The following JAZF1 variants were observed in gnomAD, a reference collection of about 807,000 sequenced individuals.
The protein encoded by JAZF1 is JAZF zinc finger 1.
A neutral mutation model predicts 26.4 loss-of-function variants in JAZF1; 8 were observed. That is an observed-to-expected ratio of 0.30 (90% CI 0.18 to 0.55). The LOEUF is 0.55. Among genes scored for constraint, JAZF1 ranks in the 20% least tolerant of loss-of-function variants. The pLI is 0.94. For missense variants in JAZF1, 199 were observed against 322.0 expected (o/e 0.62, Z 2.92); for synonymous variants, 126 against 122.3 (o/e 1.03, Z -0.20).
chr7:27,922,496 G>A (rs1349506054), intron 2 of JAZF1, among the ~76,000 whole-genome samples: 1 of 152,094 alleles, frequency 6.6e-6, no homozygotes. Context: ...CAATCCGCCC[G>A]CCTCGGCCTC....
chr7:27,938,111 C>T (rs547288788), intron 2 of JAZF1, among the ~76,000 whole-genome samples: 27 of 152,290 alleles, frequency 1.8e-4, no homozygotes, highest in South Asian at 8.3e-4. Context: ...CTATCACAAA[C>T]ACTTTCATGG....
intron 1 of JAZF1, among the ~76,000 whole-genome samples, chr7:28,140,732 T>C (rs1228059326): frequency 6.6e-6 from 1 of 152,234 alleles, no homozygotes; most frequent in Non-Finnish European, 1.5e-5. Flanking sequence ...CCTCACAACA[T>C]TTATGCAGCA....
intron 1 of JAZF1, among the ~76,000 whole-genome samples, chr7:28,056,074 ACAGTATCCTCTGAAGCACC>A (rs2128381282): frequency 6.6e-6 from 1 of 152,192 alleles, no homozygotes; most frequent in East Asian, 1.9e-4. Context: ...CTTACCCACC[ACAGTATCCTCTGAAGCACC>A]CAGCTCAGGT....
intron 1 of JAZF1, among the ~76,000 whole-genome samples, chr7:28,110,547 AGGAAAAGGAAAG>A (rs1583565837): frequency 2.5e-5 from 2 of 79,762 alleles, no homozygotes; most frequent in African/African-American, 3.7e-5. Context: ...GAAAAGGAAA[AGGAAAAGGAAAG>A]GGAAAGGAAA....
intron 1 of JAZF1, among the ~76,000 whole-genome samples, chr7:28,028,451 ACTT>A (rs1242749449): frequency 6.6e-6 from 1 of 152,142 alleles, no homozygotes. Flanking sequence ...ACTAAATCAA[ACTT>A]CTTGTGTCCA....
chr7:28,100,665 A>G (rs901174780), intron 1 of JAZF1, among the ~76,000 whole-genome samples: 1 of 152,188 alleles, frequency 6.6e-6, no homozygotes, highest in African/African-American at 2.4e-5. Context: ...TCACATTCTG[A>G]TCACTCTAGA....
intron 4 of JAZF1, among the ~76,000 whole-genome samples, chr7:27,834,698 G>A (rs556159783): frequency 1.3e-5 from 2 of 152,280 alleles, no homozygotes; most frequent in South Asian, 2.1e-4. Flanking sequence ...CATCCCCTCC[G>A]AGGCCCAGGC....
chr7:27,994,702 C>CT (rs781368931), intron 1 of JAZF1, among the ~76,000 whole-genome samples: 2 of 152,184 alleles, frequency 1.3e-5, no homozygotes, highest in African/African-American at 4.8e-5. Flanking sequence ...GAGAGGCCTG[C>CT]ACCAGTGCTA....
chr7:28,052,732 T>G (rs1479741160), intron 1 of JAZF1, among the ~76,000 whole-genome samples: 1 of 151,868 alleles, frequency 6.6e-6, no homozygotes, highest in African/African-American at 2.4e-5. Flanking sequence ...AAAACCAAGC[T>G]AAGAATCCTA....
Position 27,838,769 on chromosome 7 carries a change from C to G in JAZF1, c.555+1929G>C, listed in dbSNP as rs139970792. Among the ~76,000 whole-genome samples the G allele has an allele frequency of 8.6e-3, 1,308 of 152,340 alleles. 17 individuals are homozygous for G. Among genetic ancestry groups the G allele is most frequent in the African/African-American group, 0.029 (1,195 of 41,582 alleles). The stretch of plus-strand genomic sequence containing the variant: ...GCAGCTCATCTCCAGCGCCTGGTCA[C>G]AGGTGTGGTCACAAGCCTGCTATGG... On this transcript the variant is annotated intron_variant, in intron 4 of 4. Coordinates refer to ENST00000283928, the MANE Select transcript of JAZF1 (RefSeq NM_175061.4).
At chr7:27,971,064 T>C (rs1785368382) in intron 2 of JAZF1, among the ~76,000 whole-genome samples, 2 of 152,190 alleles carry the variant, frequency 1.3e-5, no homozygotes, top group African/African-American at 4.8e-5. Context: ...CCAGTATGCG[T>C]TGAAAACAAT....
At chr7:28,023,064 T>C (rs1268946128) in intron 1 of JAZF1, among the ~76,000 whole-genome samples, 5 of 152,166 alleles carry the variant, frequency 3.3e-5, no homozygotes, top group African/African-American at 4.8e-5. Flanking sequence ...AATAATGGTA[T>C]ACAATAATGA....
At chr7:27,939,417 AG>A (rs1315938408) in intron 2 of JAZF1, among the ~76,000 whole-genome samples, 1 of 152,188 alleles carries the variant, frequency 6.6e-6, no homozygotes, top group African/African-American at 2.4e-5. Context: ...CTTCCTTTGC[AG>A]GGTGTGGTTC....
intron 1 of JAZF1, among the ~76,000 whole-genome samples, chr7:28,015,691 C>T (rs1015577914): frequency 4.6e-5 from 7 of 152,066 alleles, no homozygotes; most frequent in South Asian, 4.1e-4. Context: ...GTCTTTTCTC[C>T]GGAAAAGGAC....
chr7:28,172,495 T>A (rs1167123411), intron 1 of JAZF1, among the ~76,000 whole-genome samples: 1 of 152,220 alleles, frequency 6.6e-6, no homozygotes, highest in Non-Finnish European at 1.5e-5. Flanking sequence ...TGAACAAGAA[T>A]CTTAAACACA....
intron 1 of JAZF1, among the ~76,000 whole-genome samples, chr7:28,064,378 C>A (rs904935326): frequency 6.6e-6 from 1 of 151,954 alleles, no homozygotes; most frequent in Non-Finnish European, 1.5e-5. Context: ...TTTATTCCAA[C>A]ATGAGAGCAG....
chr7:27,977,670 T>C (rs1785500985), intron 2 of JAZF1, among the ~76,000 whole-genome samples: 1 of 152,218 alleles, frequency 6.6e-6, no homozygotes, highest in Non-Finnish European at 1.5e-5. Flanking sequence ...ATATAGATTT[T>C]TGGAAAGTCT....
At chr7:27,908,246 T>A (rs888428007) in intron 2 of JAZF1, among the ~76,000 whole-genome samples, 1 of 152,220 alleles carries the variant, frequency 6.6e-6, no homozygotes, top group Admixed American at 6.5e-5. Flanking sequence ...ATACACAGAA[T>A]AGCAGTCAGC....
intron 1 of JAZF1, among the ~76,000 whole-genome samples, chr7:28,158,414 G>T (rs1310683499): frequency 6.6e-6 from 1 of 152,126 alleles, no homozygotes; most frequent in African/African-American, 2.4e-5. Context: ...CTAACGAAAG[G>T]GGAAGAGAAC....
Sources: gnomAD v4.1 joint callset for allele counts (sites outside exome capture counted in the v4.1 genomes callset) on GRCh38, gnomAD v4.1.1 for gene constraint, MANE v1.5 for transcripts, NCBI Gene and HGNC (gene_info 2026-07-23, HGNC 2026-07-21) for gene names.